Variants in CCDC7 observed in about 807,000 individuals in gnomAD.
CCDC7 encodes coiled-coil domain-containing protein 7.
A neutral mutation model predicts 196.9 loss-of-function variants in CCDC7; 183 were observed. The observed-to-expected ratio is 0.93, with a 90% CI of 0.82 to 1.05. The LOEUF (loss-of-function observed/expected upper bound fraction) is 1.05. Ranked by LOEUF, CCDC7 falls within the 50% of genes least tolerant of loss-of-function variation. The pLI, the probability that CCDC7 is intolerant of heterozygous loss-of-function variation, is 0.00. For synonymous variants in CCDC7, 525 were observed against 484.6 expected, an observed-to-expected ratio of 1.08 and a Z score of -1.10; for missense variants, 1,540 against 1,482.2, an observed-to-expected ratio of 1.04 and a Z score of -0.64.
At chr10:32,760,876 T>C (rs1441262331) in intron 28 of CCDC7, among the ~76,000 whole-genome samples, 1 of 151,808 alleles carries the variant, frequency 6.6e-6, no homozygotes, top group Non-Finnish European at 1.5e-5. Flanking sequence ...GGAAAGTAAA[T>C]AGAAGATAGA....
chr10:32,536,380 G>A (rs2050501780), intron 11 of CCDC7, among the ~76,000 whole-genome samples: 2 of 152,186 alleles, frequency 1.3e-5, no homozygotes, highest in Non-Finnish European at 2.9e-5. Context: ...TCATTTCCAT[G>A]CCACCTTTCC....
intron 28 of CCDC7, among the ~76,000 whole-genome samples, chr10:32,737,805 T>C (rs980618015): frequency 6.6e-6 from 1 of 152,224 alleles, no homozygotes; most frequent in Non-Finnish European, 1.5e-5. Flanking sequence ...TTTCTTGCTC[T>C]GAAGTCCACA....
intron 11 of CCDC7, among the ~76,000 whole-genome samples, chr10:32,536,043 G>A (rs2050434898): frequency 6.6e-6 from 1 of 152,148 alleles, no homozygotes. Flanking sequence ...TTCAGCAAGA[G>A]AGAGAAAAGG....
At chr10:32,589,161 T>C (rs73255458) in intron 18 of CCDC7, among the ~76,000 whole-genome samples, 2,493 of 152,242 alleles carry the variant, frequency 0.016, 79 homozygotes, top group African/African-American at 0.057. Flanking sequence ...CTTACTAGCC[T>C]CTGGTTAACC....
intron 20 of CCDC7, among the ~76,000 whole-genome samples, chr10:32,651,741 G>A (rs981722509): frequency 3.9e-5 from 6 of 152,094 alleles, no homozygotes; most frequent in Non-Finnish European, 8.8e-5. Context: ...CCTCTCTGGC[G>A]GGAAGGGAGG....
chr10:32,734,194 A>G (rs2084465505), intron 28 of CCDC7, among the ~76,000 whole-genome samples: 1 of 152,214 alleles, frequency 6.6e-6, no homozygotes, highest in South Asian at 2.1e-4. Context: ...CCCATCAATG[A>G]CAAATTATCT....
At chr10:32,805,039 G>A (rs2085543814) in exon 30 of CCDC7, 1 of 1,611,706 alleles carries the variant, frequency 6.2e-7, no homozygotes, top group African/African-American at 1.3e-5. Context: ...AGCTTGAGAG[G>A]TGCTTTGGGA....
chr10:32,630,944 A>G (rs943938256), intron 18 of CCDC7, among the ~76,000 whole-genome samples: 1 of 152,186 alleles, frequency 6.6e-6, no homozygotes, highest in Non-Finnish European at 1.5e-5. Context: ...AAGTGATGCC[A>G]TGCAGTGTCT....
At chr10:32,718,196 A>G (rs1313806622) in intron 25 of CCDC7, among the ~76,000 whole-genome samples, 4 of 152,184 alleles carry the variant, frequency 2.6e-5, no homozygotes, top group Admixed American at 6.5e-5. Flanking sequence ...CGATCAGGTC[A>G]GCTTCATCCC....
chr10:32,874,463 G>A (rs1034066011), intron 41 of CCDC7, among the ~76,000 whole-genome samples: 2 of 151,454 alleles, frequency 1.3e-5, no homozygotes, highest in African/African-American at 4.8e-5. Flanking sequence ...AGCCTCCAGT[G>A]TCCATTATAC....
At chr10:32,778,904 C>T (rs1324457024) in intron 28 of CCDC7, 73 bp from the exon 30 acceptor site, 20 of 1,033,000 alleles carry the variant, frequency 1.9e-5, no homozygotes, top group Non-Finnish European at 2.9e-5. Context: ...TTCTTGGTTA[C>T]ATGCATTGCT....
chr10:32,588,123 TCCTACCAGCAAGG>T (rs1285576110), intron 18 of CCDC7, among the ~76,000 whole-genome samples: 5 of 152,170 alleles, frequency 3.3e-5, no homozygotes, highest in Admixed American at 3.3e-4. Context: ...CAGAGAGAGT[TCCTACCAGCAAGG>T]AGGCACTCCT....
chr10:32,674,913 AC>A (rs2074667730), intron 21 of CCDC7, among the ~76,000 whole-genome samples: 2 of 151,544 alleles, frequency 1.3e-5, no homozygotes, highest in Admixed American at 1.3e-4. Flanking sequence ...TCTTTTTGAT[AC>A]CGTTTGCATG....
intron 14 of CCDC7, among the ~76,000 whole-genome samples, chr10:32,566,361 AG>A (rs2056786670): frequency 2.0e-5 from 3 of 152,278 alleles, no homozygotes; most frequent in African/African-American, 7.2e-5. Flanking sequence ...TTTATCCTAA[AG>A]AAGAAAAAAG....
chr10:32,499,814 T>C (rs966609022), intron 9 of CCDC7, among the ~76,000 whole-genome samples: 5 of 151,356 alleles, frequency 3.3e-5, no homozygotes, highest in Non-Finnish European at 5.9e-5. Flanking sequence ...TCTTAACGAG[T>C]ATGCTGCCTT....
chr10:32,781,206 T>C (rs2081010676), intron 29 of CCDC7, among the ~76,000 whole-genome samples: 1 of 152,122 alleles, frequency 6.6e-6, no homozygotes, highest in African/African-American at 2.4e-5. Flanking sequence ...CAGACGACTT[T>C]ATGGGTGAAT....
intron 41 of CCDC7, among the ~76,000 whole-genome samples, chr10:32,854,994 C>T (rs185145205): frequency 1.6e-3 from 251 of 152,134 alleles, no homozygotes; most frequent in Middle Eastern, 0.014. Flanking sequence ...TATTAGCAAA[C>T]GTTTCAAATT....
intron 28 of CCDC7, among the ~76,000 whole-genome samples, chr10:32,755,717 TC>T (rs527854593): frequency 5.0e-4 from 76 of 152,178 alleles, no homozygotes; most frequent in Admixed American, 1.2e-3. Flanking sequence ...GGAATGCAGA[TC>T]CTCGCAAGCA....
At chr10:32,633,221 A>G (rs117817821) in intron 18 of CCDC7, among the ~76,000 whole-genome samples, 21,024 of 148,454 alleles carry the variant, frequency 0.14, 1,747 homozygotes, top group East Asian at 0.25. Context: ...ACGCACACAC[A>G]CACACACACA....
Sources: gnomAD v4.1 joint callset for allele counts (sites outside exome capture counted in the v4.1 genomes callset) on GRCh38, gnomAD v4.1.1 for gene constraint, MANE v1.5 for transcripts, NCBI Gene and HGNC (gene_info 2026-07-23, HGNC 2026-07-21) for gene names.